HTT: variants seen among roughly 807,000 people sequenced by gnomAD.
HTT encodes the protein huntingtin.
In HTT, 104 loss-of-function variants were observed where a neutral mutation model predicts 362.3. The observed-to-expected ratio is 0.29, with a 90% CI of 0.24 to 0.34. HTT has a LOEUF of 0.34. HTT is among the 10% of genes least tolerant of loss of function. The pLI is 1.00. For missense variants in HTT, 3,301 were observed against 3,928.6 expected (o/e 0.84, Z 4.27); for synonymous variants, 1,577 against 1,548.7 (o/e 1.02, Z -0.43).
chr4:3,151,224 T>G (rs1716872236), intron 26 of HTT, among the ~76,000 whole-genome samples: 2 of 152,054 alleles, frequency 1.3e-5, no homozygotes, highest in South Asian at 4.2e-4. Context: ...AGAGGTTTAA[T>G]TGGCTCACAG....
chr4:3,184,426 T>C (rs1334251759), intron 37 of HTT, among the ~76,000 whole-genome samples: 1 of 151,922 alleles, frequency 6.6e-6, no homozygotes, highest in Non-Finnish European at 1.5e-5. Flanking sequence ...ATCATTCTTA[T>C]TCCTGAGTTG....
chr4:3,150,068 T>C (rs1215405112), intron 26 of HTT, among the ~76,000 whole-genome samples: 1 of 152,176 alleles, frequency 6.6e-6, no homozygotes, highest in Non-Finnish European at 1.5e-5. Flanking sequence ...CACTCCCCAG[T>C]CACTGGGTTC....
chr4:3,135,768 C>G (rs1716036453), intron 19 of HTT, 136 bp from the exon 20 acceptor site: 1 of 522,086 alleles, frequency 1.9e-6, no homozygotes, highest in Non-Finnish European at 3.4e-6. Flanking sequence ...AAGCCATTGG[C>G]CTTTTTTGTT....
intron 52 of HTT, among the ~76,000 whole-genome samples, chr4:3,219,589 T>G (rs1312380523): frequency 6.6e-6 from 1 of 152,166 alleles, no homozygotes; most frequent in Non-Finnish European, 1.5e-5. Flanking sequence ...GCAGATGGGC[T>G]GTGGGAATCC....
intron 26 of HTT, among the ~76,000 whole-genome samples, chr4:3,151,122 C>T (rs564768892): frequency 1.3e-5 from 2 of 151,410 alleles, no homozygotes; most frequent in Non-Finnish European, 2.9e-5. Flanking sequence ...TCTATCTCCT[C>T]TCAGGCCAGT....
intron 56 of HTT, among the ~76,000 whole-genome samples, chr4:3,225,402 C>A (rs1041325985): frequency 6.6e-6 from 1 of 152,234 alleles, no homozygotes; most frequent in African/African-American, 2.4e-5. Context: ...TGACAAGTGA[C>A]TGCTGCAGTC....
In HTT at chr4:3,157,184, A is replaced by G; in HGVS notation, c.3738A>G (p.Thr1246=). Residue 1246 remains threonine, a synonymous_variant, in exon 28 of 67, where the codon ACA becomes ACG. Coordinates refer to ENST00000355072, the MANE Select transcript of HTT (RefSeq NM_001388492.1). ...AACTGCATGATGTCCTGAAAGCTACACACGCTAACTACAAGGTATGGGCCT... is the reference window on the plus strand; with the variant it reads ...AACTGCATGATGTCCTGAAAGCTACGCACGCTAACTACAAGGTATGGGCCT... ...YLKLHDVLKA[T]HANYKVTLDL... 6.2e-7 allele frequency: 1 copy of G among 1,613,708 alleles called. No individual in the cohort carries two copies. Among genetic ancestry groups the G allele is most frequent in the South Asian group, 1.1e-5 (1 of 91,020 alleles).
Position 3,151,037 on chromosome 4 carries a change from TC to T in HTT, c.3498+2831del, listed in dbSNP as rs1174730336. 2.0e-5 allele frequency among the ~76,000 whole-genome samples: 3 copies of T among 146,386 alleles called. No homozygotes were observed. In the East Asian group the frequency reaches 6.0e-4, roughly 29 times the overall value. On this transcript the variant is annotated intron_variant, in intron 26 of 66. Transcript: ENST00000355072. The stretch of plus-strand genomic sequence containing the variant: ...CTGGGCGACAGAGCGAGACTCTGTC[TC>T]AAAAACAAAACAAAACAAAAAAAAA...
At chr4:3,105,712 G>A (rs1395314946) in intron 5 of HTT, among the ~76,000 whole-genome samples, 2 of 152,176 alleles carry the variant, frequency 1.3e-5, no homozygotes. Context: ...CTTATGCTCT[G>A]TTGCAGCCCA....
Position 3,235,630 on chromosome 4 carries a change from C to T in HTT, c.8637C>T (p.Leu2879=). ...CCTCCATCATTTACCACTGTGCCCTCAGAGGCCTGGAGCGCCTCCTGCTCT... is the reference window on the plus strand; with the variant it reads ...CCTCCATCATTTACCACTGTGCCCTTAGAGGCCTGGAGCGCCTCCTGCTCT... The part of the protein sequence containing the change: ...STPSIIYHCA[L]RGLERLLLSE... The change falls in exon 63 of 67, where the codon CTC becomes CTT. Residue 2879 remains leucine (L), a synonymous_variant. Transcript: ENST00000355072. The T allele has an allele frequency of 3.7e-6, 6 of 1,613,932 alleles. No individual in the cohort carries two copies. Among genetic ancestry groups the T allele is most frequent in the Non-Finnish European group, 5.1e-6 (6 of 1,180,014 alleles).
At chr4:3,094,521 C>T (rs1425510146) in intron 2 of HTT, among the ~76,000 whole-genome samples, 12 of 147,518 alleles carry the variant, frequency 8.1e-5, no homozygotes, top group East Asian at 6.5e-4. Flanking sequence ...ACCTCCCAGA[C>T]GGGGCGGCGG....
rs889849321 is a variant in HTT, at chr4:3,207,042, A to C, written c.6075+59A>C. ...ATTGAAAATTTAGCAGGCCAAGCAA[A>C]ACAGGTGGCTGGCTTTTTCCTCCGT... On this transcript the variant is annotated intron_variant, in intron 44 of 66. Transcript: ENST00000355072. 2.7e-6 allele frequency: 4 copies of C among 1,499,680 alleles called. No homozygotes were observed. In the African/African-American group the frequency reaches 5.6e-5, roughly 21 times the overall value. The allele number at this position is 1,499,680 out of a possible 1,614,324, so 92.9% of individuals were successfully genotyped here. A position where few individuals can be genotyped will look rare whatever the true frequency, so the allele number is the denominator to read the frequency against.
At chr4:3,079,171 C>G (rs1483857808) in intron 1 of HTT, among the ~76,000 whole-genome samples, 2 of 151,622 alleles carry the variant, frequency 1.3e-5, no homozygotes, top group East Asian at 3.9e-4. Context: ...GCTAGGATTA[C>G]AGGCATGAGC....
intron 29 of HTT, among the ~76,000 whole-genome samples, chr4:3,169,254 G>A (rs1388166983): frequency 9.9e-5 from 15 of 152,044 alleles, no homozygotes; most frequent in Admixed American, 9.2e-4. Flanking sequence ...TCCTGACCTC[G>A]TGATCTGCCC....
chr4:3,238,393 G>T (rs1182654347), intron 64 of HTT, 54 bp from the exon 65 acceptor site: 1 of 1,431,746 alleles, frequency 7.0e-7, no homozygotes, highest in Non-Finnish European at 9.6e-7. Flanking sequence ...CCGCGGGCAG[G>T]TGGGGCAGCT....
At position 3,206,774 on chromosome 4, in the gene HTT, GTCA is replaced by G; in HGVS notation, c.5899-30_5899-28del. 6.3e-7 allele frequency: 1 copy of G among 1,591,190 alleles called. No individual in the cohort carries two copies. Among genetic ancestry groups the G allele is most frequent in the Non-Finnish European group, 8.6e-7 (1 of 1,166,510 alleles). On this transcript the variant is annotated intron_variant, in intron 43 of 66. Transcript: ENST00000355072. The surrounding 1 kb of genome is among the most constrained non-coding windows in gnomAD (Gnocchi z 4.6). ...ACTTTAATTTCTGATTTGCAAAATA[GTCA>G]TCTTTTGTTCTTTTCCTTCTTGCTG...
rs374101392 is a variant in HTT at position 3,136,318 on chromosome 4, A to G, written c.2790A>G (p.Ser930=). The change falls in exon 21 of 67, where the codon TCA becomes TCG. Residue 930 remains serine (S), a synonymous_variant. Transcript: ENST00000355072. The part of the protein sequence containing the change: ...DPRVRHVAAA[S]LIRLVPKLFY... ...GGGTGCGACATGTTGCCGCAGCATC[A>G]CTAATTAGGTATTTACCAATATTTT... is the stretch of plus-strand genomic sequence containing the variant. The G allele has an allele frequency of 3.6e-5, 56 of 1,566,082 alleles. 1 individual carries two copies. In the African/African-American group the frequency reaches 6.6e-4, roughly 19 times the overall value.
intron 41 of HTT, among the ~76,000 whole-genome samples, chr4:3,203,399 A>G (rs547459565): frequency 6.6e-6 from 1 of 152,358 alleles, no homozygotes; most frequent in South Asian, 2.1e-4. Context: ...GGAGTGTGTC[A>G]ACATTTTAAC....
chr4:3,208,313 T>A (rs1056784451), intron 45 of HTT, among the ~76,000 whole-genome samples: 1 of 152,238 alleles, frequency 6.6e-6, no homozygotes, highest in African/African-American at 2.4e-5. Flanking sequence ...ATTAAAAGAT[T>A]ATAAATATCT....
Sources: gnomAD v4.1 joint callset for allele counts (sites outside exome capture counted in the v4.1 genomes callset) on GRCh38, gnomAD v4.1.1 for gene constraint, Gnocchi (gnomAD v3.1) non-coding constraint, MANE v1.5 for transcripts, NCBI Gene and HGNC (gene_info 2026-07-23, HGNC 2026-07-21) for gene names.